The following KIRREL3 variants were observed in gnomAD, a reference collection of about 807,000 sequenced individuals.
The protein encoded by KIRREL3 is kirre like nephrin family adhesion molecule 3.
In KIRREL3, 36 loss-of-function variants were observed where a neutral mutation model predicts 89.7. The observed-to-expected ratio is 0.40, with a 90% CI of 0.31 to 0.53. The LOEUF (loss-of-function observed/expected upper bound fraction) is 0.53, where lower values mean the gene tolerates loss of function less well. Among genes scored for constraint, KIRREL3 ranks in the 20% least tolerant of loss-of-function variants. KIRREL3 has a pLI of 0.49. For synonymous variants in KIRREL3, 445 were observed against 441.4 expected (o/e 1.01, Z -0.10); for missense variants, 864 against 1,056.6 (o/e 0.82, Z 2.53).
intron 1 of KIRREL3, chr11:126,992,369 A>C (rs1443862234): frequency 6.6e-6 from 1 of 152,168 alleles, no homozygotes; most frequent in Non-Finnish European, 1.5e-5. Flanking sequence ...GCAATGAGAG[A>C]CTGTTCAGTG....
At position 126,614,986 on chromosome 11, in the gene KIRREL3, G is replaced by A. The variant is rs961323318; in HGVS notation, c.56-52074C>T. On this transcript the variant is annotated intron_variant, in intron 1 of 16. Transcript: ENST00000525144. This position sits in a 1 kb window ranked among gnomAD's most constrained non-coding sequence, Gnocchi z 4.6. Reference sequence around the variant, plus strand: ...AACTGGGACTGTTTAGCCTAGAAAAGGGGGGACTTGGGGAGAGGCGTGATT... The same window carrying A: ...AACTGGGACTGTTTAGCCTAGAAAAAGGGGGACTTGGGGAGAGGCGTGATT... Among the ~76,000 whole-genome samples the A allele has an allele frequency of 2.0e-5, 3 of 152,238 alleles. No individual in the cohort carries two copies. The highest frequency in any genetic ancestry group is 1.9e-4 in the East Asian group (1 of 5,178).
At chr11:126,856,134 GAGCCAT>G (rs1468918880) in intron 1 of KIRREL3, among the ~76,000 whole-genome samples, 1 of 152,138 alleles carries the variant, frequency 6.6e-6, no homozygotes, top group East Asian at 1.9e-4. Context: ...TGTCTCTGCA[GAGCCAT>G]ATGCACTTTG....
In KIRREL3 at chr11:126,778,024, G is replaced by A. The variant is rs1420011242; in HGVS notation, c.56-215112C>T. ...CCCCTACTCTCTTTTCCTGGTATAT[G>A]AGAAATACATGCTCATTGTAGAAAA... On this transcript the variant is annotated intron_variant, in intron 1 of 16. Coordinates refer to ENST00000525144, the MANE Select transcript of KIRREL3 (RefSeq NM_032531.4). This position sits in a 1 kb window ranked among gnomAD's most constrained non-coding sequence, Gnocchi z 4.5. 2.1e-5 allele frequency among the ~76,000 whole-genome samples: 3 copies of A among 145,698 alleles called. No individual in the cohort carries two copies. In the East Asian group the frequency reaches 6.0e-4, roughly 29 times the overall value.
chr11:126,654,075 G>A (rs1278446165), intron 1 of KIRREL3, among the ~76,000 whole-genome samples: 2 of 152,106 alleles, frequency 1.3e-5, no homozygotes, highest in Non-Finnish European at 2.9e-5. Flanking sequence ...CAGTTTCAAG[G>A]GCCTCTGGAC....
chr11:126,774,282 C>A (rs1055525877), intron 1 of KIRREL3, among the ~76,000 whole-genome samples: 1 of 151,354 alleles, frequency 6.6e-6, no homozygotes, highest in African/African-American at 2.4e-5. Flanking sequence ...TAGGAAGAAA[C>A]CCCTCATTGC....
intron 1 of KIRREL3, among the ~76,000 whole-genome samples, chr11:126,649,740 C>T (rs567004619): frequency 3.7e-4 from 57 of 152,254 alleles, no homozygotes; most frequent in Admixed American, 2.5e-3. Context: ...TCCAGGTGAA[C>T]GGTGCAAGCT....
chr11:126,852,038 G>T (rs1388598984), intron 1 of KIRREL3, among the ~76,000 whole-genome samples: 1 of 144,246 alleles, frequency 6.9e-6, no homozygotes, highest in African/African-American at 2.6e-5. Context: ...TCAGAAGGTT[G>T]GGGCTATAAC....
intron 1 of KIRREL3, among the ~76,000 whole-genome samples, chr11:126,695,563 T>C (rs975701538): frequency 6.6e-6 from 1 of 152,190 alleles, no homozygotes; most frequent in African/African-American, 2.4e-5. Context: ...CAAATACTTC[T>C]AGAGACACCG....
At chr11:126,749,530 C>T (rs1949265817) in intron 1 of KIRREL3, among the ~76,000 whole-genome samples, 1 of 152,012 alleles carries the variant, frequency 6.6e-6, no homozygotes, top group African/African-American at 2.4e-5. Flanking sequence ...ACAGATGGCT[C>T]ATAATTATAT....
chr11:126,792,372 G>A (rs997795514), intron 1 of KIRREL3, among the ~76,000 whole-genome samples: 2 of 152,150 alleles, frequency 1.3e-5, no homozygotes, highest in East Asian at 1.9e-4. Flanking sequence ...TTTTTCAGTT[G>A]AGAAAATGGT....
At position 126,977,740 on chromosome 11, in the gene KIRREL3, A is replaced by G. The variant is rs899596718; in HGVS notation, c.55+22715T>C. 2.0e-5 allele frequency among the ~76,000 whole-genome samples: 3 copies of G among 152,298 alleles called. No homozygotes were observed. The highest frequency in any genetic ancestry group is 2.0e-4 in the Admixed American group (3 of 15,304). On this transcript the variant is annotated intron_variant, in intron 1 of 16. Transcript: ENST00000525144. This position sits in a 1 kb window ranked among gnomAD's most constrained non-coding sequence, Gnocchi z 4.7. ...TGATTTTTCCCCAACCTTCTGAATG[A>G]TCAAGCTGCTTGTAAGGCAATTAAA...
chr11:126,469,434 G>A (rs1035219148), intron 5 of KIRREL3, among the ~76,000 whole-genome samples: 22 of 152,046 alleles, frequency 1.4e-4, no homozygotes. Flanking sequence ...AGGGCTCCTT[G>A]CAGCCCTGGG....
At chr11:126,451,335 T>TGTGTGCATGTGTGAGC (rs1555109143) in intron 7 of KIRREL3, among the ~76,000 whole-genome samples, 57,399 of 140,414 alleles carry the variant, frequency 0.41, 11,900 homozygotes, top group African/African-American at 0.54. Flanking sequence ...CATTAGTGAG[T>TGTGTGCATGTGTGAGC]GTGTGCATGT....
Position 126,521,465 on chromosome 11 carries a change from C to A in KIRREL3, c.284-1G>T. ...CCTACCACCAGGTACTGTGGGTAACCTGTGGAGACAACAGGCAGGTCAGGG... is the reference window on the plus strand; with the variant it reads ...CCTACCACCAGGTACTGTGGGTAACATGTGGAGACAACAGGCAGGTCAGGG... On this transcript the variant is annotated splice_acceptor_variant, in intron 3 of 16. Coordinates refer to ENST00000525144, the MANE Select transcript of KIRREL3 (RefSeq NM_032531.4). LOFTEE classifies it high-confidence loss of function. The surrounding 1 kb of genome is among the most constrained non-coding windows in gnomAD (Gnocchi z 4.1). The A allele has an allele frequency of 6.3e-7, 1 of 1,581,180 alleles. No individual in the cohort carries two copies. Among genetic ancestry groups the A allele is most frequent in the Non-Finnish European group, 8.6e-7 (1 of 1,163,686 alleles).
intron 1 of KIRREL3, among the ~76,000 whole-genome samples, chr11:126,588,542 T>A (rs1012413789): frequency 3.3e-5 from 5 of 151,230 alleles, no homozygotes; most frequent in Non-Finnish European, 7.4e-5. Flanking sequence ...AGAGGAGGAG[T>A]CCTTGCCAAA....
At chr11:126,846,331 A>G (rs931068278) in intron 1 of KIRREL3, among the ~76,000 whole-genome samples, 15 of 152,222 alleles carry the variant, frequency 9.9e-5, no homozygotes, top group African/African-American at 3.6e-4. Flanking sequence ...ATCTTCTTCC[A>G]TCTGTCTGTG....
chr11:126,573,683 CATTT>C (rs953697908), intron 1 of KIRREL3, among the ~76,000 whole-genome samples: 1 of 152,152 alleles, frequency 6.6e-6, no homozygotes, highest in Non-Finnish European at 1.5e-5. Context: ...TGTTTATTTT[CATTT>C]ATTTATTTAT....
In KIRREL3 at chr11:126,459,056, G is replaced by C. The variant is rs539651609; in HGVS notation, c.743-2602C>G. ...GGAGAAGTGGAGGTGGGGCAGAGGAGCTTGGGAATCGCCACCGGATCCAAA... is the reference window on the plus strand; with the variant it reads ...GGAGAAGTGGAGGTGGGGCAGAGGACCTTGGGAATCGCCACCGGATCCAAA... On this transcript the variant is annotated intron_variant, in intron 6 of 16. Coordinates refer to ENST00000525144, the MANE Select transcript of KIRREL3 (RefSeq NM_032531.4). The surrounding 1 kb of genome is among the most constrained non-coding windows in gnomAD (Gnocchi z 4.8). Among the ~76,000 whole-genome samples the C allele has an allele frequency of 6.6e-6, 1 of 152,122 alleles. No homozygotes were observed. Among genetic ancestry groups the C allele is most frequent in the South Asian group, 2.1e-4 (1 of 4,812 alleles).
rs1293030455 is a variant in KIRREL3, at chr11:126,708,277, A to C, written c.56-145365T>G. On this transcript the variant is annotated intron_variant, in intron 1 of 16. Coordinates refer to ENST00000525144, the MANE Select transcript of KIRREL3 (RefSeq NM_032531.4). This position sits in a 1 kb window ranked among gnomAD's most constrained non-coding sequence, Gnocchi z 5.7. ...GCAAAATGAGGATGTGAAGTCGAGC[A>C]TCTGAGAAGGCTCAGAAAGTCTGAA... Among the ~76,000 whole-genome samples, 1 of 152,214 alleles carries C rather than the reference A, an allele frequency of 6.6e-6. No individual in the cohort carries two copies. Among genetic ancestry groups the C allele is most frequent in the Non-Finnish European group, 1.5e-5 (1 of 68,040 alleles).
Sources: allele counts gnomAD v4.1 joint callset (sites outside exome capture counted in the v4.1 genomes callset), GRCh38; gene constraint gnomAD v4.1.1; non-coding constraint Gnocchi (gnomAD v3.1); transcripts MANE v1.5; gene names NCBI Gene and HGNC (gene_info 2026-07-23, HGNC 2026-07-21).